The following FNBP1 variants were observed in gnomAD, a reference collection of about 807,000 sequenced individuals.
FNBP1 encodes the protein formin-binding protein 1.
A neutral mutation model predicts 90.6 loss-of-function variants in FNBP1; 26 were observed. The observed-to-expected ratio is 0.29, with a 90% CI of 0.21 to 0.40. FNBP1 has a LOEUF of 0.40. Ranked by LOEUF, FNBP1 falls within the 10% of genes least tolerant of loss-of-function variation. The probability of loss-of-function intolerance (pLI) is 1.00; values close to 1 mark genes in which losing one functional copy is unlikely to be tolerated. For synonymous variants in FNBP1, 260 were observed against 265.2 expected (o/e 0.98, Z 0.19); for missense variants, 635 against 768.0 (o/e 0.83, Z 2.05).
At chr9:129,986,272 T>A (rs2052222546) in intron 2 of FNBP1, among the ~76,000 whole-genome samples, 1 of 152,098 alleles carries the variant, frequency 6.6e-6, no homozygotes, top group African/African-American at 2.4e-5. Flanking sequence ...TTCAGATTAT[T>A]TATACTATAG....
intron 2 of FNBP1, among the ~76,000 whole-genome samples, chr9:129,984,139 CTTAT>C (rs1451200232): frequency 2.0e-5 from 3 of 151,906 alleles, no homozygotes; most frequent in Non-Finnish European, 4.4e-5. Flanking sequence ...TTTTTTCACT[CTTAT>C]TTTTTTAAAG....
At chr9:129,994,810 G>A in intron 2 of FNBP1, 33 bp downstream of exon 2, 1 of 976,798 alleles carries the variant, frequency 1.0e-6, no homozygotes, top group South Asian at 1.4e-5. Context: ...TCATTTTGCA[G>A]TTAACAAATA....
At chr9:129,919,956 T>A (rs929733888) in intron 10 of FNBP1, among the ~76,000 whole-genome samples, 1 of 152,186 alleles carries the variant, frequency 6.6e-6, no homozygotes, top group African/African-American at 2.4e-5. Flanking sequence ...GAAATCTATT[T>A]CTCCAAACTT....
intron 1 of FNBP1, among the ~76,000 whole-genome samples, chr9:130,036,755 G>A (rs2059349483): frequency 1.3e-5 from 2 of 152,178 alleles, no homozygotes; most frequent in South Asian, 2.1e-4. Context: ...TTAAGAAAAA[G>A]GAGCAGTAGG....
intron 16 of FNBP1, among the ~76,000 whole-genome samples, chr9:129,894,976 T>G (rs995582957): frequency 6.6e-6 from 1 of 152,160 alleles, no homozygotes; most frequent in Admixed American, 6.5e-5. Flanking sequence ...GAGAATCGCT[T>G]GAACCTGGGG....
chr9:129,952,254 C>G (rs1270949577), intron 6 of FNBP1, among the ~76,000 whole-genome samples: 1 of 151,728 alleles, frequency 6.6e-6, no homozygotes, highest in Non-Finnish European at 1.5e-5. Context: ...AATCCTAGCA[C>G]TTTCGGAGGC....
In FNBP1 at chr9:129,963,616, CT is replaced by C. The variant is rs35213636; in HGVS notation, c.346-5064del. Among the ~76,000 whole-genome samples, 235 of 115,302 alleles carry C rather than the reference CT, an allele frequency of 2.0e-3. 2 individuals carry two copies. The highest frequency in any genetic ancestry group is 7.4e-3 in the African/African-American group (226 of 30,432). The allele number at this position is 115,302 out of a possible 152,430, so 75.6% of individuals were successfully genotyped here. On this transcript the variant is annotated intron_variant, in intron 4 of 16. Transcript: ENST00000446176. ...GATGCCCATCTTCCTTCCTTCCAGC[CT>C]TTTTTTTTTTTTTTTTTAAAAAAAC...
intron 6 of FNBP1, 128 bp from the exon 7 acceptor site, chr9:129,929,823 G>A: frequency 7.5e-6 from 6 of 804,594 alleles, no homozygotes; most frequent in South Asian, 1.8e-5. Context: ...TGTATTCCGC[G>A]GGTGCTTTTT....
In FNBP1 at chr9:129,978,602, A is replaced by G. The variant is rs1564486932; in HGVS notation, c.208T>C (p.Cys70Arg). The change falls in exon 4 of 17, where the codon TGT becomes CGT. Residue 70 changes from cysteine (C) to arginine (R), a missense_variant. Coordinates refer to ENST00000446176, the MANE Select transcript of FNBP1 (RefSeq NM_015033.3). Reference protein sequence around the residue: ...KEEEEYKYTSCKAFISNLNEM... With the variant: ...KEEEEYKYTSRKAFISNLNEM... The stretch of plus-strand genomic sequence containing the variant: ...TTCAGGTTGGAAATGAAAGCTTTAC[A>G]TGACGTATACCTATGGAACAGAACA... 1.2e-6 allele frequency: 2 copies of G among 1,613,916 alleles called. No individual in the cohort carries two copies. Among genetic ancestry groups the G allele is most frequent in the Admixed American group, 1.7e-5 (1 of 59,980 alleles).
rs1788882746 is a variant in FNBP1, at chr9:130,042,505, A to C, written c.24+447T>G. Among the ~76,000 whole-genome samples the C allele has an allele frequency of 6.7e-6, 1 of 150,330 alleles. No individual in the cohort carries two copies. The highest frequency in any genetic ancestry group is 1.5e-5 in the Non-Finnish European group (1 of 67,594). Reference sequence around the variant, plus strand: ...CTCCCGGGGAAGTGCCCGATCCGCCAGCGCCTCCGCGGAGCCAGGACAGAA... The same window carrying C: ...CTCCCGGGGAAGTGCCCGATCCGCCCGCGCCTCCGCGGAGCCAGGACAGAA... On this transcript the variant is annotated intron_variant, in intron 1 of 16. Transcript: ENST00000446176. This position sits in a 1 kb window ranked among gnomAD's most constrained non-coding sequence, Gnocchi z 5.5.
chr9:129,942,376 C>T (rs559961118), intron 6 of FNBP1, among the ~76,000 whole-genome samples: 1 of 152,276 alleles, frequency 6.6e-6, no homozygotes, highest in African/African-American at 2.4e-5. Context: ...GCCCCCTTTA[C>T]GTCTGACTTG....
rs10117588 is a variant in FNBP1 at position 129,943,744 on chromosome 9, G to C, written c.513+13616C>G. ...ACGGTAGCTGACGCCTGTAATCCCAGCACTTTGGGAGGCTGAGGTGGGAGG... is the reference window on the plus strand; with the variant it reads ...ACGGTAGCTGACGCCTGTAATCCCACCACTTTGGGAGGCTGAGGTGGGAGG... On this transcript the variant is annotated intron_variant, in intron 6 of 16. Transcript: ENST00000446176. 4.3e-4 allele frequency among the ~76,000 whole-genome samples: 66 copies of C among 151,892 alleles called. 1 individual carries two copies. The highest frequency in any genetic ancestry group is 1.3e-4 in the Non-Finnish European group (9 of 68,000).
Position 129,975,321 on chromosome 9 carries a change from TTTTAA to T in FNBP1, c.345+3139_345+3143del, listed in dbSNP as rs201310690. The stretch of plus-strand genomic sequence containing the variant: ...GGTTTCATGATTTTCTAAAATGTCA[TTTTAA>T]TTTAATAACAGAATGTTTCAAAAGA... On this transcript the variant is annotated intron_variant, in intron 4 of 16. Transcript: ENST00000446176. Among the ~76,000 whole-genome samples, 1,050 of 152,356 alleles carry T rather than the reference TTTTAA, an allele frequency of 6.9e-3. 10 individuals are homozygous for T. Among genetic ancestry groups the T allele is most frequent in the African/African-American group, 0.022 (934 of 41,574 alleles).
At chr9:130,046,868 C>T (rs981053685), upstream of FNBP1, among the ~76,000 whole-genome samples, 8 of 151,226 alleles carry the variant, frequency 5.3e-5, no homozygotes, top group African/African-American at 1.9e-4. Context: ...CCATATATCT[C>T]TTCATCTATA....
At chr9:130,052,999 C>T in the FNBP1 span, among the ~76,000 whole-genome samples, 1 of 151,930 alleles carries the variant, frequency 6.6e-6, no homozygotes, top group African/African-American at 2.4e-5. Flanking sequence ...GCCTGTAATT[C>T]TAGTTACTCC....
Position 129,967,324 on chromosome 9 carries a change from T to C in FNBP1, c.346-8771A>G, listed in dbSNP as rs112433643. Among the ~76,000 whole-genome samples, 24 of 152,302 alleles carry C rather than the reference T, an allele frequency of 1.6e-4. No homozygotes were observed. The South Asian group carries it at 4.3e-3, about 28-fold the overall frequency. On this transcript the variant is annotated intron_variant, in intron 4 of 16. Coordinates refer to ENST00000446176, the MANE Select transcript of FNBP1 (RefSeq NM_015033.3). Reference sequence around the variant, plus strand: ...TGAGGACAGGACTCCGGGATCAGCCTGGCCAATATGGCAAAATCCCGTCTC... The same window carrying C: ...TGAGGACAGGACTCCGGGATCAGCCCGGCCAATATGGCAAAATCCCGTCTC...
At chr9:129,965,806 AGGG>A (rs35545738) in intron 4 of FNBP1, among the ~76,000 whole-genome samples, 34,102 of 94,054 alleles carry the variant, frequency 0.36, 6,078 homozygotes, top group Non-Finnish European at 0.41. Flanking sequence ...GGGGGGAAGG[AGGG>A]AGGGAGGGAG....
chr9:130,036,021 TA>T (rs971632541), intron 1 of FNBP1, among the ~76,000 whole-genome samples: 6 of 148,004 alleles, frequency 4.1e-5, no homozygotes, highest in African/African-American at 9.9e-5. Flanking sequence ...GCCTCATCAT[TA>T]AAAAAAAAAG....
At chr9:129,943,770 A>T (rs996272726) in intron 6 of FNBP1, among the ~76,000 whole-genome samples, 1 of 151,904 alleles carries the variant, frequency 6.6e-6, no homozygotes, top group Non-Finnish European at 1.5e-5. Context: ...AGGTGGGAGG[A>T]TCACGAGGTC....
Sources: allele counts gnomAD v4.1 joint callset (sites outside exome capture counted in the v4.1 genomes callset), GRCh38; gene constraint gnomAD v4.1.1; non-coding constraint Gnocchi (gnomAD v3.1); transcripts MANE v1.5; gene names NCBI Gene and HGNC (gene_info 2026-07-23, HGNC 2026-07-21).